Variants in FTO observed in about 807,000 individuals in gnomAD.
FTO encodes FTO alpha-ketoglutarate dependent dioxygenase.
A neutral mutation model predicts 63.9 loss-of-function variants in FTO; 47 were observed. The ratio of observed to expected loss-of-function variants is 0.74; its 90% CI spans 0.58 to 0.94. The LOEUF is 0.94. Among genes scored for constraint, FTO ranks in the 40% least tolerant of loss-of-function variants. FTO has a pLI of 0.00. For synonymous variants in FTO, 207 were observed against 224.4 expected, an observed-to-expected ratio of 0.92 and a Z score of 0.69; for missense variants, 562 against 618.1, an observed-to-expected ratio of 0.91 and a Z score of 0.96.
At chr16:53,763,290 G>A (rs893551251) in intron 1 of FTO, among the ~76,000 whole-genome samples, 1 of 152,122 alleles carries the variant, frequency 6.6e-6, no homozygotes, top group African/African-American at 2.4e-5. Flanking sequence ...ATTTCATGGT[G>A]TCATCTAACA....
chr16:53,832,380 C>T (rs2079166804), intron 3 of FTO, among the ~76,000 whole-genome samples: 1 of 152,180 alleles, frequency 6.6e-6, no homozygotes, highest in South Asian at 2.1e-4. Context: ...CCTTGTGCCC[C>T]TTTGCAATTC....
chr16:53,855,341 A>G (rs1375018431), intron 4 of FTO, among the ~76,000 whole-genome samples: 2 of 151,926 alleles, frequency 1.3e-5, no homozygotes, highest in African/African-American at 4.8e-5. Context: ...TACTTGGATC[A>G]TTTGTATTTC....
intron 1 of FTO, among the ~76,000 whole-genome samples, chr16:53,724,667 T>G (rs1459616458): frequency 6.6e-6 from 1 of 152,174 alleles, no homozygotes; most frequent in African/African-American, 2.4e-5. Flanking sequence ...TTGCCATTAT[T>G]CCCCCCAGTA....
At chr16:53,789,182 C>T (rs953185567) in intron 1 of FTO, among the ~76,000 whole-genome samples, 3 of 152,136 alleles carry the variant, frequency 2.0e-5, no homozygotes, top group African/African-American at 7.2e-5. Context: ...ATTGGCATAA[C>T]CTTGTGTCTA....
intron 8 of FTO, among the ~76,000 whole-genome samples, chr16:53,939,029 C>T (rs999528079): frequency 5.3e-5 from 8 of 152,088 alleles, no homozygotes; most frequent in Admixed American, 2.0e-4. Context: ...ACCCGGGAGG[C>T]GGAGCTTGCA....
chr16:53,745,465 G>A lies in FTO; in HGVS notation c.45+41236G>A, dbSNP rs79149291. ...CTCTAACAGAAGAGGAAATAAAAAT[G>A]ACAGAATTCAGCTCCACTGTGATTG... is the stretch of plus-strand genomic sequence containing the variant. On this transcript the variant is annotated intron_variant, in intron 1 of 8. Transcript: ENST00000471389. Among the ~76,000 whole-genome samples, 1,479 of 152,280 alleles carry A rather than the reference G, an allele frequency of 9.7e-3. 22 individuals carry two copies. The highest frequency in any genetic ancestry group is 0.04 in the East Asian group (208 of 5,180).
intron 4 of FTO, among the ~76,000 whole-genome samples, chr16:53,845,465 G>C (rs566614246): frequency 6.6e-5 from 10 of 152,192 alleles, no homozygotes; most frequent in Non-Finnish European, 1.3e-4. Context: ...CTGCCACTAA[G>C]CATTTTCCAA....
Position 53,844,189 on chromosome 16 carries a change from C to G in FTO, c.786C>G (p.Leu262=). 3 of 1,613,668 alleles carry G rather than the reference C, an allele frequency of 1.9e-6. No individual in the cohort carries two copies. The highest frequency in any genetic ancestry group is 2.5e-6 in the Non-Finnish European group (3 of 1,179,696). Residue 262 remains leucine, a synonymous_variant, in exon 4 of 9, where the codon CTC becomes CTG. Coordinates refer to ENST00000471389, the MANE Select transcript of FTO (RefSeq NM_001080432.3). ...AGGAAAGTGAGGATGACTCTCATCTCGAAGGCAGGGATCCTGATATTTGGC... is the reference window on the plus strand; with the variant it reads ...AGGAAAGTGAGGATGACTCTCATCTGGAAGGCAGGGATCCTGATATTTGGC... ...PEEESEDDSH[L]EGRDPDIWHV... is the part of the protein sequence containing the mutation.
chr16:53,825,134 C>T (rs2078970383), intron 2 of FTO, among the ~76,000 whole-genome samples: 1 of 152,182 alleles, frequency 6.6e-6, no homozygotes, highest in Non-Finnish European at 1.5e-5. Flanking sequence ...ATTCTGGGCA[C>T]TCATATTATA....
At chr16:53,963,302 C>T (rs1567477943) in intron 8 of FTO, among the ~76,000 whole-genome samples, 4 of 152,138 alleles carry the variant, frequency 2.6e-5, no homozygotes, top group Admixed American at 6.5e-5. Flanking sequence ...CAAATCTTAC[C>T]TGGACTTACT....
intron 1 of FTO, among the ~76,000 whole-genome samples, chr16:53,709,813 G>A (rs988500067): frequency 1.3e-5 from 2 of 151,942 alleles, no homozygotes; most frequent in Non-Finnish European, 2.9e-5. Context: ...AGAGTAAGTC[G>A]GAGACATCAG....
intron 1 of FTO, among the ~76,000 whole-genome samples, chr16:53,747,944 T>C (rs1470815486): frequency 1.3e-5 from 2 of 152,202 alleles, no homozygotes; most frequent in Non-Finnish European, 2.9e-5. Flanking sequence ...AAGTATATAC[T>C]TGGCACGTTT....
At chr16:54,057,784 A>G (rs1472282929) in intron 8 of FTO, among the ~76,000 whole-genome samples, 4 of 152,106 alleles carry the variant, frequency 2.6e-5, no homozygotes, top group Admixed American at 2.0e-4. Flanking sequence ...CTGTGGCTTG[A>G]GTCTGAACAT....
intron 7 of FTO, among the ~76,000 whole-genome samples, chr16:53,922,060 T>C (rs1187395198): frequency 6.6e-6 from 1 of 152,188 alleles, no homozygotes; most frequent in Non-Finnish European, 1.5e-5. Flanking sequence ...CATCATACTT[T>C]ATAAAGCGTA....
Position 53,831,854 on chromosome 16 carries a change from A to G in FTO, c.751+5363A>G, listed in dbSNP as rs185596900. Reference sequence around the variant, plus strand: ...CAACAAGTGTGGATGGAATAGAGTGAGAGAAGAGGAAATGAAATGAAGACA... The same window carrying G: ...CAACAAGTGTGGATGGAATAGAGTGGGAGAAGAGGAAATGAAATGAAGACA... On this transcript the variant is annotated intron_variant, in intron 3 of 8. Transcript: ENST00000471389. Among the ~76,000 whole-genome samples, 16 of 152,308 alleles carry G rather than the reference A, an allele frequency of 1.1e-4. No homozygotes were observed. The East Asian group carries it at 3.1e-3, about 29-fold the overall frequency.
At chr16:53,949,748 A>G (rs1405223745) in intron 8 of FTO, among the ~76,000 whole-genome samples, 1 of 151,940 alleles carries the variant, frequency 6.6e-6, no homozygotes, top group East Asian at 1.9e-4. Context: ...AAATAAGACT[A>G]GCTTGTGAAA....
chr16:53,750,876 A>G (rs2076773227), intron 1 of FTO, among the ~76,000 whole-genome samples: 1 of 152,256 alleles, frequency 6.6e-6, no homozygotes, highest in Non-Finnish European at 1.5e-5. Flanking sequence ...AATATGGAAG[A>G]CAGTTTAGAG....
intron 6 of FTO, among the ~76,000 whole-genome samples, chr16:53,885,602 G>A (rs950576534): frequency 1.3e-5 from 2 of 152,212 alleles, no homozygotes; most frequent in African/African-American, 4.8e-5. Flanking sequence ...TTGAGGACAG[G>A]AAGTCCAAAG....
intron 8 of FTO, among the ~76,000 whole-genome samples, chr16:54,075,823 A>G (rs1338787994): frequency 2.6e-5 from 4 of 152,230 alleles, no homozygotes; most frequent in Non-Finnish European, 5.9e-5. Context: ...TATTTCTTTA[A>G]GCAGGGCAAC....
Sources: gnomAD v4.1 joint callset for allele counts (sites outside exome capture counted in the v4.1 genomes callset) on GRCh38, gnomAD v4.1.1 for gene constraint, MANE v1.5 for transcripts, NCBI Gene and HGNC (gene_info 2026-07-23, HGNC 2026-07-21) for gene names.